Variants in PTCH1 observed in about 807,000 individuals in gnomAD.
PTCH1 encodes protein patched homolog 1.
PTCH1 carries 14 observed loss-of-function variants against 144.6 expected under a neutral mutation model. The ratio of observed to expected loss-of-function variants is 0.10; its 90% CI spans 0.06 to 0.15. The LOEUF is 0.15. PTCH1 is among the 10% of genes least tolerant of loss of function. PTCH1 has a pLI of 1.00. For synonymous variants in PTCH1, 833 were observed against 793.6 expected, an observed-to-expected ratio of 1.05 and a Z score of -0.83; for missense variants, 1,623 against 1,948.3, an observed-to-expected ratio of 0.83 and a Z score of 3.14.
chr9:95,459,663 G>A lies in PTCH1; in HGVS notation c.2824C>T (p.Arg942Trp), dbSNP rs756465236. ...VAYAASQANI[R>W]PHRPEWVHDK... is the part of the protein sequence containing the mutation. ...TGGACCCATTCTGGTCGGTGTGGCCGGATGTTGGCCTGGGAGGCAGCATAC... is the reference window on the plus strand; with the variant it reads ...TGGACCCATTCTGGTCGGTGTGGCCAGATGTTGGCCTGGGAGGCAGCATAC... The change falls in exon 17 of 24, where the codon CGG becomes TGG. Residue 942 changes from arginine to tryptophan, a missense_variant. Physicochemically the swap from Arg to Trp is moderately radical, Grantham distance 101. Around this residue, in one of 7 missense-constraint regions of PTCH1, gnomAD observed 504 missense variants for 679.3 expected, o/e 0.74. Coordinates refer to ENST00000331920, the MANE Select transcript of PTCH1 (RefSeq NM_000264.5). 7 of 1,614,168 alleles carry A rather than the reference G, an allele frequency of 4.3e-6. No individual in the cohort carries two copies. Among genetic ancestry groups the A allele is most frequent in the South Asian group, 1.1e-5 (1 of 91,080 alleles).
intron 2 of PTCH1, among the ~76,000 whole-genome samples, chr9:95,499,623 G>A (rs1295978852): frequency 6.6e-6 from 1 of 151,948 alleles, no homozygotes; most frequent in Admixed American, 6.6e-5. Flanking sequence ...GGGGGTGTCT[G>A]ACATAGCTGA....
At chr9:95,494,422 G>C (rs984826254) in intron 2 of PTCH1, 85 of 985,366 alleles carry the variant, frequency 8.6e-5, no homozygotes, top group Non-Finnish European at 9.5e-5. Context: ...TGCCACACTG[G>C]CAAATGAGGG....
At chr9:95,510,742 GAAGA>G (rs143988853), upstream of PTCH1, among the ~76,000 whole-genome samples, 6,493 of 151,054 alleles carry the variant, frequency 0.043, 440 homozygotes, top group African/African-American at 0.15. Flanking sequence ...GAAAAAAAAA[GAAGA>G]AAGAAAGGAA....
chr9:95,473,950 G>T, intron 12 of PTCH1: 1 of 411,828 alleles, frequency 2.4e-6, no homozygotes, highest in Non-Finnish European at 4.9e-6. Flanking sequence ...TGATACTGTG[G>T]TGCTTTGAAA....
rs371960721 is a variant in PTCH1 at position 95,447,005 on chromosome 9, G to T, written c.4251C>A (p.His1417Gln). The T allele has an allele frequency of 6.2e-7, 1 of 1,614,084 alleles. No individual in the cohort carries two copies. Among genetic ancestry groups the T allele is most frequent in the African/African-American group, 1.3e-5 (1 of 74,936 alleles). The change falls in exon 23 of 24, where the codon CAC becomes CAA. Residue 1417 changes from histidine (H) to glutamine (Q), a missense_variant. This residue lies in a region of PTCH1 where 291 missense variants were observed against 287.4 expected (regional missense o/e 1.01). Coordinates refer to ENST00000331920, the MANE Select transcript of PTCH1 (RefSeq NM_000264.5). ...GLFEDPHVPF[H>Q]VRCERRDSKV... ...TCGAATCCCTCCTCTCACACCGGAC[G>T]TGGAAAGGCACGTGGGGGTCCTCAA...
At chr9:95,495,547 C>CT (rs1332587171) in intron 2 of PTCH1, among the ~76,000 whole-genome samples, 1 of 151,846 alleles carries the variant, frequency 6.6e-6, no homozygotes, top group African/African-American at 2.4e-5. Flanking sequence ...CCCACAAAAG[C>CT]TTTTTTTAGC....
intron 20 of PTCH1, chr9:95,450,946 T>C (rs1214812258): frequency 6.6e-6 from 1 of 152,032 alleles, no homozygotes; most frequent in Non-Finnish European, 1.5e-5. Context: ...TAATGATTTC[T>C]AGGGCAACTC....
At chr9:95,516,400 C>T in intron 1 of PTCH1, 1 of 1,231,674 alleles carries the variant, frequency 8.1e-7, no homozygotes, top group Non-Finnish European at 1.0e-6. Context: ...CCCGTGTCCC[C>T]GCGCCGCCCG....
intron 2 of PTCH1, among the ~76,000 whole-genome samples, chr9:95,486,750 T>G (rs758735839): frequency 3.9e-5 from 6 of 152,250 alleles, no homozygotes; most frequent in Non-Finnish European, 7.3e-5. Context: ...CTCTCCTTTT[T>G]ACATCCTTAG....
intron 3 of PTCH1, chr9:95,484,084 C>T (rs1310792746): frequency 3.9e-5 from 6 of 152,208 alleles, no homozygotes; most frequent in African/African-American, 1.4e-4. Context: ...CTGGACCCAT[C>T]TCAGCTTAAG....
At position 95,507,909 on chromosome 9, in the gene PTCH1, C is replaced by T. The variant is rs1843841383; in HGVS notation, c.201+252G>A. 6 of 1,357,964 alleles carry T rather than the reference C, an allele frequency of 4.4e-6. No homozygotes were observed. The South Asian group carries it at 7.2e-5, about 16-fold the overall frequency. 84.1% of individuals were successfully genotyped at this position (1,357,964 alleles called of 1,614,324 possible). On this transcript the variant is annotated intron_variant, in intron 1 of 23. Transcript: ENST00000331920. ...ACACCAGGGAGGGCGTGTGTATACA[C>T]ACACACACACGCACACACACACACC...
intron 2 of PTCH1, among the ~76,000 whole-genome samples, chr9:95,501,722 G>A (rs1200764803): frequency 6.6e-6 from 1 of 152,112 alleles, no homozygotes; most frequent in Non-Finnish European, 1.5e-5. Flanking sequence ...AGAAATAAAT[G>A]AATGTTCTAT....
chr9:95,470,901 G>A (rs1223326582), intron 12 of PTCH1, among the ~76,000 whole-genome samples: 1 of 152,140 alleles, frequency 6.6e-6, no homozygotes, highest in Non-Finnish European at 1.5e-5. Flanking sequence ...CTAACACGGT[G>A]AAACCCCGTC....
chr9:95,498,391 T>C (rs1335758224), intron 2 of PTCH1, among the ~76,000 whole-genome samples: 1 of 152,136 alleles, frequency 6.6e-6, no homozygotes, highest in Non-Finnish European at 1.5e-5. Context: ...AACAACAAAC[T>C]TGCCATTCAT....
rs1172557603 is a variant in PTCH1 at position 95,508,212 on chromosome 9, C to T, written c.150G>A (p.Leu50=). 1 of 1,612,112 alleles carries T rather than the reference C, an allele frequency of 6.2e-7. No individual in the cohort carries two copies. Among genetic ancestry groups the T allele is most frequent in the Non-Finnish European group, 8.5e-7 (1 of 1,179,696 alleles). Residue 50 remains leucine (L), a synonymous_variant, in exon 1 of 24, where the codon CTG becomes CTA. Coordinates refer to ENST00000331920, the MANE Select transcript of PTCH1 (RefSeq NM_000264.5). ...RRAAAPDRDY[L]HRPSYCDAAF... ...CGGCGTCGCAGTAGCTGGGCCGGTG[C>T]AGATAGTCCCGGTCCGGCGCGGCAG... is the stretch of plus-strand genomic sequence containing the variant.
chr9:95,485,618 T>C (rs1841897441), intron 3 of PTCH1, 67 bp downstream of exon 3: 2 of 1,594,492 alleles, frequency 1.3e-6, no homozygotes, highest in African/African-American at 2.7e-5. Flanking sequence ...TAACGGGGCC[T>C]AAACCAGCAG....
Position 95,508,648 on chromosome 9 carries a change from C to G in PTCH1, c.-287G>C. The G allele has an allele frequency of 1.0e-6, 1 of 988,920 alleles. No homozygotes were observed. Among genetic ancestry groups the G allele is most frequent in the Non-Finnish European group, 1.2e-6 (1 of 832,608 alleles). The allele number at this position is 988,920 out of a possible 1,614,324, so 61.3% of individuals were successfully genotyped here. ...CCCGAGGTCTCTGCGGCCGCCGCTG[C>G]CCACATCCAGTTCGCGGAAGAGCGA... On this transcript the variant is annotated 5_prime_UTR_variant, in exon 1 of 24. Coordinates refer to ENST00000331920, the MANE Select transcript of PTCH1 (RefSeq NM_000264.5).
At position 95,447,249 on chromosome 9, in the gene PTCH1, C is replaced by T. The variant is rs1838019737; in HGVS notation, c.4007G>A (p.Arg1336Lys). 1 of 1,612,980 alleles carries T rather than the reference C, an allele frequency of 6.2e-7. No individual in the cohort carries two copies. Among genetic ancestry groups the T allele is most frequent in the Non-Finnish European group, 8.5e-7 (1 of 1,179,914 alleles). ...GGCCCCGCGAGGGCCCCAGCGGGCC[C>T]TATTGCTAGGGCCAGAATGCCCTTC... Reference protein sequence around the residue: ...STEGHSGPSNRARWGPRGARS... With the variant: ...STEGHSGPSNKARWGPRGARS... Residue 1336 changes from arginine (R) to lysine (K), a missense_variant, in exon 23 of 24, where the codon AGG (arginine) becomes AAG (lysine). Transcript: ENST00000331920.
intron 22 of PTCH1, 97 bp from the exon 23 acceptor site, chr9:95,447,548 C>A: frequency 7.4e-7 from 1 of 1,351,898 alleles, no homozygotes. Flanking sequence ...ACCAAAGACT[C>A]AGTCAACCCT....
Sources: allele counts gnomAD v4.1 joint callset (sites outside exome capture counted in the v4.1 genomes callset), GRCh38; gene constraint gnomAD v4.1.1; regional missense constraint gnomAD v4.1.1; transcripts MANE v1.5; gene names NCBI Gene and HGNC (gene_info 2026-07-23, HGNC 2026-07-21).